The following COQ2 variants were observed in gnomAD, a reference collection of about 807,000 sequenced individuals.
COQ2 encodes the protein 4-hydroxybenzoate polyprenyltransferase, mitochondrial.
A neutral mutation model predicts 35.7 loss-of-function variants in COQ2; 25 were observed. The observed-to-expected ratio is 0.70, with a 90% confidence interval of 0.51 to 0.98. The LOEUF (loss-of-function observed/expected upper bound fraction) is 0.98, where lower values mean the gene tolerates loss of function less well. Ranked by LOEUF, COQ2 falls within the 50% of genes least tolerant of loss-of-function variation. COQ2 has a pLI of 0.00. For missense variants in COQ2, 488 were observed against 473.5 expected (o/e 1.03, Z -0.28); for synonymous variants, 206 against 186.2 (o/e 1.11, Z -0.86).
At chr4:83,277,883 C>T (rs1474218065) in intron 2 of COQ2, among the ~76,000 whole-genome samples, 2 of 151,818 alleles carry the variant, frequency 1.3e-5, no homozygotes, top group Non-Finnish European at 1.5e-5. Flanking sequence ...GCAGGAGAAT[C>T]GCTTGAACCT....
chr4:83,273,437 C>G, intron 3 of COQ2, 59 bp downstream of exon 3: 1 of 1,507,384 alleles, frequency 6.6e-7, no homozygotes, highest in Non-Finnish European at 9.0e-7. Context: ...CATTTTATTC[C>G]TATTTTCTCC....
chr4:83,276,399 T>C (rs1735184676), intron 2 of COQ2, among the ~76,000 whole-genome samples: 1 of 152,202 alleles, frequency 6.6e-6, no homozygotes, highest in Non-Finnish European at 1.5e-5. Context: ...TTTAGTTCAA[T>C]TAAGTCTGAT....
intron 4 of COQ2, among the ~76,000 whole-genome samples, chr4:83,271,756 T>G (rs186939759): frequency 7.8e-4 from 119 of 151,904 alleles, no homozygotes; most frequent in African/African-American, 2.4e-3. Flanking sequence ...AAGGCTGCAG[T>G]AAGCTGAGAT....
intron 1 of COQ2, among the ~76,000 whole-genome samples, chr4:83,279,650 A>G (rs149532455): frequency 6.6e-6 from 1 of 152,112 alleles, no homozygotes; most frequent in Non-Finnish European, 1.5e-5. Flanking sequence ...ATGCTCAAAG[A>G]CTGTCAGGAA....
chr4:83,283,274 C>T, intron 1 of COQ2: 1 of 985,444 alleles, frequency 1.0e-6, no homozygotes, highest in African/African-American at 1.7e-5. Context: ...ACTACATCTC[C>T]ATACACTGCA....
At chr4:83,276,035 A>ATATAT (rs1735164552) in intron 2 of COQ2, among the ~76,000 whole-genome samples, 1 of 18,072 alleles carries the variant, frequency 5.5e-5, no homozygotes, top group East Asian at 0.015. Flanking sequence ...TTTTTATATA[A>ATATAT]TATATAAAAT....
Position 83,267,747 on chromosome 4 carries a change from G to T in COQ2, c.790C>A (p.Leu264Ile). 6.4e-7 allele frequency: 1 copy of T among 1,550,790 alleles called. No homozygotes were observed. The highest frequency in any genetic ancestry group is 1.2e-5 in the South Asian group (1 of 83,722). ...QDKRDDVLIG[L>I]KSTALRFGEN... is the part of the protein sequence containing the mutation. ...CCGAACCGCAGAGCCGTTGACTTAAGACCAATCAAAACATCATCTCTTTTG... is the reference window on the plus strand; with the variant it reads ...CCGAACCGCAGAGCCGTTGACTTAATACCAATCAAAACATCATCTCTTTTG... Residue 264 changes from leucine to isoleucine, a missense_variant, in exon 6 of 7, where the codon CTT becomes ATT. By Grantham distance (5) the Leu-to-Ile change is conservative. Transcript: ENST00000647002.
intron 5 of COQ2, among the ~76,000 whole-genome samples, 189 bp from the exon 6 acceptor site, chr4:83,267,963 T>C (rs965016963): frequency 3.3e-5 from 5 of 152,170 alleles, no homozygotes; most frequent in African/African-American, 9.7e-5. Flanking sequence ...CGGTGAAAGA[T>C]GACAGTAACT....
chr4:83,281,356 C>G (rs1418718562), intron 1 of COQ2: 1 of 152,192 alleles, frequency 6.6e-6, no homozygotes, highest in Non-Finnish European at 1.5e-5. Context: ...AGACGTGTAA[C>G]CACTTATAGT....
Position 83,274,946 on chromosome 4 carries a change from C to T in COQ2, c.421-1329G>A, listed in dbSNP as rs1040692484. Among the ~76,000 whole-genome samples, 6 of 152,154 alleles carry T rather than the reference C, an allele frequency of 3.9e-5. No individual in the cohort carries two copies. The South Asian group carries it at 1.2e-3, about 32-fold the overall frequency. On this transcript the variant is annotated intron_variant, in intron 2 of 6. Coordinates refer to ENST00000647002, the MANE Select transcript of COQ2 (RefSeq NM_001358921.2). ...CTGTCCCCTCCATTCTGCTGTTGGG[C>T]CCATCCACTGAATTATTATTACAAT...
At chr4:83,269,664 A>G (rs776187873) in intron 5 of COQ2, among the ~76,000 whole-genome samples, 196 bp downstream of exon 5, 4 of 152,212 alleles carry the variant, frequency 2.6e-5, no homozygotes, top group Non-Finnish European at 5.9e-5. Flanking sequence ...ACACATAAAC[A>G]TAAAAAAAAT....
chr4:83,270,194 G>A (rs532495119), intron 4 of COQ2, among the ~76,000 whole-genome samples: 1 of 152,000 alleles, frequency 6.6e-6, no homozygotes, highest in East Asian at 1.9e-4. Flanking sequence ...AACAAGCTCA[G>A]AGAGGTTAAT....
At chr4:83,264,566 G>T (rs71613156) in intron 6 of COQ2, among the ~76,000 whole-genome samples, 3 of 152,068 alleles carry the variant, frequency 2.0e-5, no homozygotes, top group Non-Finnish European at 4.4e-5. Flanking sequence ...GAGGCCAAGA[G>T]GTCAAGGCTG....
rs1169311005 is a variant in COQ2, at chr4:83,284,791, G to T, written c.-27C>A. On this transcript the variant is annotated 5_prime_UTR_variant, in exon 1 of 7. Transcript: ENST00000647002. Reference sequence around the variant, plus strand: ...GCGCTGGTGAGGCCGGGACGAGCTCGGATTGACGTCATTCCCCGGCAGGCA... The same window carrying T: ...GCGCTGGTGAGGCCGGGACGAGCTCTGATTGACGTCATTCCCCGGCAGGCA... 2 of 1,568,766 alleles carry T rather than the reference G, an allele frequency of 1.3e-6. No individual in the cohort carries two copies. The highest frequency in any genetic ancestry group is 2.3e-5 in the South Asian group (2 of 85,750).
chr4:83,267,166 A>T, intron 6 of COQ2: 1 of 453,810 alleles, frequency 2.2e-6, no homozygotes, highest in Non-Finnish European at 4.4e-6. Context: ...GCTTGAAGCC[A>T]GGAATTTCAG....
intron 1 of COQ2, chr4:83,281,582 TG>T (rs1461785739): frequency 6.6e-6 from 1 of 152,216 alleles, no homozygotes; most frequent in Admixed American, 6.5e-5. Context: ...TTGTTTCATC[TG>T]TAAATGAGGG....
rs144320009 is a variant in COQ2 at position 83,265,581 on chromosome 4, AAAC to A, written c.952-1221_952-1219del. Among the ~76,000 whole-genome samples, 641 of 151,652 alleles carry A rather than the reference AAAC, an allele frequency of 4.2e-3. 3 individuals are homozygous for A. The highest frequency in any genetic ancestry group is 6.0e-3 in the Non-Finnish European group (410 of 67,920). On this transcript the variant is annotated intron_variant, in intron 6 of 6. Transcript: ENST00000647002. ...CAGAGGGAAGACTCTGTTTCAAAAC[AAAC>A]AACAACAACAACAACAACAAAACTG...
chr4:83,269,929 A>G lies in COQ2; in HGVS notation c.693T>C (p.Ser231=). 1 of 1,613,548 alleles carries G rather than the reference A, an allele frequency of 6.2e-7. No homozygotes were observed. The highest frequency in any genetic ancestry group is 8.5e-7 in the Non-Finnish European group (1 of 1,179,556). ...WSAIKGSCDP[S]VCLPLYFSGV... is the part of the protein sequence containing the mutation. ...CAGAAAAATAAAGAGGCAGGCAAAC[A>G]GATGGATCACAGGAACCCTTGATAG... The change falls in exon 5 of 7, where the codon TCT becomes TCC. Residue 231 remains serine (S), a synonymous_variant. Transcript: ENST00000647002.
chr4:83,267,586 C>CT lies in COQ2; in HGVS notation c.950dup (p.Ile318AspfsTer10). 1 of 1,556,018 alleles carries CT rather than the reference C, an allele frequency of 6.4e-7. No individual in the cohort carries two copies. The highest frequency in any genetic ancestry group is 8.6e-7 in the Non-Finnish European group (1 of 1,157,238). ...GGGACAAATAAGAAAAAGGTCAAAC[C>CT]TGGTGAGTCAGATGGGCTCCTACAG... On this transcript the variant is annotated frameshift_variant and splice_region_variant, in exon 6 of 7. Coordinates refer to ENST00000647002, the MANE Select transcript of COQ2 (RefSeq NM_001358921.2). LOFTEE classifies it high-confidence loss of function.
Sources: gnomAD v4.1 joint callset for allele counts (sites outside exome capture counted in the v4.1 genomes callset) on GRCh38, gnomAD v4.1.1 for gene constraint, MANE v1.5 for transcripts, NCBI Gene and HGNC (gene_info 2026-07-23, HGNC 2026-07-21) for gene names.